Variants in EBLN1 observed in about 807,000 individuals in gnomAD.
The protein encoded by EBLN1 is endogenous Bornavirus like nucleoprotein 1, also known as endogenous Bornavirus-like nucleoprotein 1.
EBLN1 carries 1 observed loss-of-function variant against 0.8 expected under a neutral mutation model. The ratio of observed to expected loss-of-function variants is 1.32; its 90% CI spans 0.47 to 6.26. The LOEUF (loss-of-function observed/expected upper bound fraction) is 6.26, where lower values mean the gene tolerates loss of function less well. Ranked by LOEUF, EBLN1 falls within the 30% of genes most tolerant of loss-of-function variation. The probability of loss-of-function intolerance (pLI) is 0.15; values close to 1 mark genes in which losing one functional copy is unlikely to be tolerated. For missense variants in EBLN1, 396 were observed against 447.9 expected (o/e 0.88, Z 1.05); for synonymous variants, 158 against 158.5 (o/e 1.00, Z 0.02).
intron 1 of EBLN1, among the ~76,000 whole-genome samples, chr10:22,214,342 C>T (rs1253434986): frequency 1.3e-5 from 2 of 150,598 alleles, no homozygotes; most frequent in Non-Finnish European, 3.0e-5. Flanking sequence ...CTCTGTCACC[C>T]AGGCTGCAGT....
In EBLN1 at chr10:22,216,142, T is replaced by C. The variant is rs116355726; in HGVS notation, c.-169+1774A>G. Among the ~76,000 whole-genome samples the C allele has an allele frequency of 7.2e-3, 1,090 of 151,928 alleles. 13 individuals carry two copies. Among genetic ancestry groups the C allele is most frequent in the African/African-American group, 0.025 (1,022 of 41,450 alleles). On this transcript the variant is annotated intron_variant, in intron 1 of 2. Coordinates refer to ENST00000422359, the MANE Select transcript of EBLN1 (RefSeq NM_001394757.1). Reference sequence around the variant, plus strand: ...ATTCAGAGAAGAGTTTCAGACTCAGTGTTTCAATATTTTATCTGCAGGTGA... The same window carrying C: ...ATTCAGAGAAGAGTTTCAGACTCAGCGTTTCAATATTTTATCTGCAGGTGA...
intron 2 of EBLN1, among the ~76,000 whole-genome samples, chr10:22,212,160 A>T (rs551487241): frequency 5.3e-5 from 8 of 152,286 alleles, no homozygotes; most frequent in African/African-American, 1.9e-4. Context: ...ACTTGGTGGG[A>T]TGCTGTGGGT....
At position 22,209,535 on chromosome 10, in the gene EBLN1, G is replaced by T. The variant is rs550246319; in HGVS notation, c.449C>A (p.Ser150Ter). 4 of 1,559,452 alleles carry T rather than the reference G, an allele frequency of 2.6e-6. No homozygotes were observed. The highest frequency in any genetic ancestry group is 1.4e-5 in the African/African-American group (1 of 69,564). Reference protein sequence around the residue: ...CCDLIGIAAGSSDPICTNSLQ... With the variant: ...CCDLIGIAAG ...GCTGTTGGTGCATATCGGGTCACTCGATCCGGCAGCAATGCCTATCAGATC... is the reference window on the plus strand; with the variant it reads ...GCTGTTGGTGCATATCGGGTCACTCTATCCGGCAGCAATGCCTATCAGATC... The change falls in exon 3 of 3, where the codon TCG becomes TAG. Residue 150 changes from serine to a stop codon, truncating the protein, a stop_gained. Transcript: ENST00000422359. LOFTEE classifies it low-confidence loss of function (END_TRUNC).
rs1834716297 is a variant in EBLN1 at position 22,208,836 on chromosome 10, C to A, written c.*47G>T. On this transcript the variant is annotated 3_prime_UTR_variant, in exon 3 of 3. Transcript: ENST00000422359. ...ATACTATTTTAGAATGTGATTTTCACATAATTTCTTTTTATATGTATATAT... is the reference window on the plus strand; with the variant it reads ...ATACTATTTTAGAATGTGATTTTCAAATAATTTCTTTTTATATGTATATAT... 1.4e-6 allele frequency: 2 copies of A among 1,445,230 alleles called. No homozygotes were observed. Among genetic ancestry groups the A allele is most frequent in the Non-Finnish European group, 1.8e-6 (2 of 1,104,644 alleles). 89.5% of individuals were successfully genotyped at this position (1,445,230 alleles called of 1,614,324 possible).
rs775922559 is a variant in EBLN1 at position 22,209,327 on chromosome 10, G to T, written c.657C>A (p.Cys219Ter). The T allele has an allele frequency of 6.2e-7, 1 of 1,602,556 alleles. No individual in the cohort carries two copies. The highest frequency in any genetic ancestry group is 2.2e-5 in the East Asian group (1 of 44,890). Residue 219 changes from cysteine to a stop codon, truncating the protein, a stop_gained, in exon 3 of 3, where the codon TGC becomes TGA. Transcript: ENST00000422359. LOFTEE classifies it low-confidence loss of function (END_TRUNC). ...CTACTTTAACTTGATCAAGTAGCTC[G>T]CACGCAGGGGATTCAAATTCTCCAA... is the stretch of plus-strand genomic sequence containing the variant. ...FLFGEFESPA[C>*]ELLDQVKVVA...
In EBLN1 at chr10:22,209,801, C is replaced by T; in HGVS notation, c.183G>A (p.Lys61=). Residue 61 remains lysine, a synonymous_variant, in exon 3 of 3, where the codon AAG becomes AAA. Coordinates refer to ENST00000422359, the MANE Select transcript of EBLN1 (RefSeq NM_001394757.1). ...ATCTCTGTGCTGGGTCTAGCATAGA[C>T]TTAGTTGCTTTTTCAATGACCTTAA... The part of the protein sequence containing the change: ...GDVKVIEKAT[K]SMLDPAQRSH... The T allele has an allele frequency of 6.5e-7, 1 of 1,534,706 alleles. No homozygotes were observed.
At position 22,208,966 on chromosome 10, in the gene EBLN1, C is replaced by A. The variant is rs1485273918; in HGVS notation, c.1018G>T (p.Ala340Ser). ...TCACTTCCTCTGGAGATTTTCTGAGCAGATGCCATTTGAAGTACAGGGAAT... is the reference window on the plus strand; with the variant it reads ...TCACTTCCTCTGGAGATTTTCTGAGAAGATGCCATTTGAAGTACAGGGAAT... Reference protein sequence around the residue: ...ITFPVLQMASAQKISRGSDMD... With the variant: ...ITFPVLQMASSQKISRGSDMD... Residue 340 changes from alanine to serine, a missense_variant, in exon 3 of 3, where the codon GCT becomes TCT. Ala to Ser is a moderately conservative substitution (Grantham distance 99, BLOSUM62 1). Coordinates refer to ENST00000422359, the MANE Select transcript of EBLN1 (RefSeq NM_001394757.1). 6.5e-7 allele frequency: 1 copy of A among 1,535,630 alleles called. No individual in the cohort carries two copies. The highest frequency in any genetic ancestry group is 8.7e-7 in the Non-Finnish European group (1 of 1,146,894).
chr10:22,217,371 A>T (rs1185671), intron 1 of EBLN1, among the ~76,000 whole-genome samples: 37,253 of 152,198 alleles, frequency 0.24, 4,691 homozygotes, highest in African/African-American at 0.27. Context: ...GATCAGTATG[A>T]GAAGGCACAA....
chr10:22,209,645 T>A lies in EBLN1; in HGVS notation c.339A>T (p.Thr113=), dbSNP rs547928738. The change falls in exon 3 of 3, where the codon ACA becomes ACT. Residue 113 remains threonine (T), a synonymous_variant. Transcript: ENST00000422359. ...NIVIGNENKE[T]GTLYASKFED... ...CAAATTTGCTAGCATAGAGAGTACC[T>A]GTTTCCTTGTTCTCATTCCCAATCA... 6.3e-4 allele frequency: 967 copies of A among 1,535,714 alleles called. 2 individuals carry two copies. The highest frequency in any genetic ancestry group is 7.8e-4 in the Non-Finnish European group (899 of 1,146,896).
chr10:22,214,782 C>T (rs1834778631), intron 1 of EBLN1, among the ~76,000 whole-genome samples: 1 of 152,146 alleles, frequency 6.6e-6, no homozygotes, highest in Non-Finnish European at 1.5e-5. Flanking sequence ...CAACTGCACT[C>T]CTAGGTTTAG....
chr10:22,209,711 C>T lies in EBLN1; in HGVS notation c.273G>A (p.Lys91=). ...FLCFIFDGLH[K]ALLSVGVSKR... ...TGCTCACACCGACACTGAGTAGTGC[C>T]TTGTGTAATCCATCGAATATAAAAC... Residue 91 remains lysine (K), a synonymous_variant, in exon 3 of 3, where the codon AAG becomes AAA. Coordinates refer to ENST00000422359, the MANE Select transcript of EBLN1 (RefSeq NM_001394757.1). The T allele has an allele frequency of 6.5e-7, 1 of 1,535,892 alleles. No individual in the cohort carries two copies. The highest frequency in any genetic ancestry group is 1.2e-5 in the South Asian group (1 of 84,048).
chr10:22,210,860 G>T (rs1834744842), intron 2 of EBLN1, among the ~76,000 whole-genome samples: 1 of 152,198 alleles, frequency 6.6e-6, no homozygotes, highest in African/African-American at 2.4e-5. Flanking sequence ...ACTGGAAAGG[G>T]AATGGAATCA....
chr10:22,217,603 CAA>C (rs1564324805), intron 1 of EBLN1, among the ~76,000 whole-genome samples: 1 of 152,012 alleles, frequency 6.6e-6, no homozygotes, highest in African/African-American at 2.4e-5. Context: ...AAAATGGAAA[CAA>C]AACTTAATGG....
intron 1 of EBLN1, among the ~76,000 whole-genome samples, chr10:22,214,659 A>T (rs1834777868): frequency 6.6e-6 from 1 of 152,198 alleles, no homozygotes; most frequent in Non-Finnish European, 1.5e-5. Context: ...AAAACCTCAT[A>T]CAAATCTTTA....
At chr10:22,215,479 C>T (rs901096241) in intron 1 of EBLN1, among the ~76,000 whole-genome samples, 1 of 151,990 alleles carries the variant, frequency 6.6e-6, no homozygotes, top group African/African-American at 2.4e-5. Flanking sequence ...CAAAGAAATA[C>T]AAATTAAAGC....
Position 22,209,803 on chromosome 10 carries a change from T to G in EBLN1, c.181A>C (p.Lys61Gln), listed in dbSNP as rs761884081. 4.0e-5 allele frequency: 62 copies of G among 1,534,700 alleles called. No individual in the cohort carries two copies. Among genetic ancestry groups the G allele is most frequent in the Non-Finnish European group, 5.0e-5 (57 of 1,146,356 alleles). Residue 61 changes from lysine (K) to glutamine (Q), a missense_variant, in exon 3 of 3, where the codon AAG (lysine) becomes CAG (glutamine). By Grantham distance (53) the Lys-to-Gln change is moderately conservative (BLOSUM62 1). Coordinates refer to ENST00000422359, the MANE Select transcript of EBLN1 (RefSeq NM_001394757.1). ...CTCTGTGCTGGGTCTAGCATAGACT[T>G]AGTTGCTTTTTCAATGACCTTAACA... ...GDVKVIEKAT[K>Q]SMLDPAQRSH...
chr10:22,213,890 T>G (rs1834772340), intron 1 of EBLN1, among the ~76,000 whole-genome samples: 1 of 152,170 alleles, frequency 6.6e-6, no homozygotes, highest in Non-Finnish European at 1.5e-5. Flanking sequence ...TAATTAAATA[T>G]GAGGTGCTGG....
intron 1 of EBLN1, among the ~76,000 whole-genome samples, chr10:22,215,898 T>C (rs1425130239): frequency 6.6e-6 from 1 of 152,278 alleles, no homozygotes; most frequent in South Asian, 2.1e-4. Flanking sequence ...CATATTAATA[T>C]GGGAAAATTA....
In EBLN1 at chr10:22,208,704, G is replaced by T. The variant is rs952565059; in HGVS notation, c.*179C>A. On this transcript the variant is annotated 3_prime_UTR_variant, in exon 3 of 3. Transcript: ENST00000422359. ...AAGACTTTGGAGATCACATCTTTCA[G>T]TGGCCAGAGAATATTGGATGGACTC... The T allele has an allele frequency of 1.1e-5, 7 of 665,336 alleles. No homozygotes were observed. In the African/African-American group the frequency reaches 1.3e-4, roughly 12 times the overall value. The allele number at this position is 665,336 out of a possible 1,614,324, so 41.2% of individuals were successfully genotyped here.
Sources: gnomAD v4.1 joint callset for allele counts (sites outside exome capture counted in the v4.1 genomes callset) on GRCh38, gnomAD v4.1.1 for gene constraint, MANE v1.5 for transcripts, NCBI Gene and HGNC (gene_info 2026-07-23, HGNC 2026-07-21) for gene names.